PAN3: variants seen among roughly 807,000 people sequenced by gnomAD.
PAN3 encodes the protein PAN2-PAN3 deadenylation complex subunit PAN3.
In PAN3, 19 loss-of-function variants were observed where a neutral mutation model predicts 96.2. The ratio of observed to expected loss-of-function variants is 0.20; its 90% CI spans 0.14 to 0.29. PAN3 has a LOEUF of 0.29. Among genes scored for constraint, PAN3 ranks in the 10% least tolerant of loss-of-function variants. PAN3 has a pLI of 1.00. For synonymous variants in PAN3, 433 were observed against 406.6 expected (o/e 1.06, Z -0.78); for missense variants, 882 against 1,108.1 (o/e 0.80, Z 2.90).
chr13:28,292,754 T>C lies in PAN3; in HGVS notation c.*232T>C. 1 of 339,310 alleles carries C rather than the reference T, an allele frequency of 2.9e-6. No individual in the cohort carries two copies. Among genetic ancestry groups the C allele is most frequent in the Non-Finnish European group, 5.3e-6 (1 of 189,324 alleles). 21.0% of individuals were successfully genotyped at this position (339,310 alleles called of 1,614,324 possible). A position where few individuals can be genotyped will look rare whatever the true frequency, so the allele number is the denominator to read the frequency against. On this transcript the variant is annotated 3_prime_UTR_variant, in exon 19 of 19. Coordinates refer to ENST00000380958, the MANE Select transcript of PAN3 (RefSeq NM_175854.8). ...ATCTGTGAAGAATTTATTTTAGATT[T>C]AGGAGCACCATCAGGTGAATGATGT...
chr13:28,215,255 C>T (rs530011225), intron 5 of PAN3: 4 of 708,182 alleles, frequency 5.6e-6, no homozygotes, highest in Admixed American at 1.9e-5. Context: ...AGTCCTTGCA[C>T]CAGCCTCTCC....
chr13:28,228,714 A>G (rs930058145), intron 6 of PAN3, among the ~76,000 whole-genome samples: 10 of 152,132 alleles, frequency 6.6e-5, no homozygotes, highest in African/African-American at 2.2e-4. Flanking sequence ...CATCCTATTG[A>G]TGTTAATTAG....
intron 1 of PAN3, among the ~76,000 whole-genome samples, chr13:28,163,294 C>G (rs1873114952): frequency 6.6e-6 from 1 of 151,982 alleles, no homozygotes; most frequent in South Asian, 2.1e-4. Context: ...TAGTTGAAGA[C>G]AGCAATAAAA....
At chr13:28,217,395 A>G (rs957981845) in intron 5 of PAN3, among the ~76,000 whole-genome samples, 3 of 152,140 alleles carry the variant, frequency 2.0e-5, no homozygotes, top group Non-Finnish European at 2.9e-5. Context: ...CAACTTGGCC[A>G]ACATGATGAA....
chr13:28,208,490 T>C (rs1276316054), intron 5 of PAN3, among the ~76,000 whole-genome samples: 1 of 152,204 alleles, frequency 6.6e-6, no homozygotes, highest in Non-Finnish European at 1.5e-5. Context: ...AGGTTCAGTA[T>C]ACCTTATCCA....
chr13:28,191,183 T>C (rs1291332457), intron 4 of PAN3, among the ~76,000 whole-genome samples: 2 of 152,172 alleles, frequency 1.3e-5, no homozygotes, highest in African/African-American at 4.8e-5. Context: ...TAAATAAATA[T>C]TTCCCTTAAA....
intron 4 of PAN3, among the ~76,000 whole-genome samples, chr13:28,179,572 C>G (rs1875494883): frequency 6.6e-6 from 1 of 151,930 alleles, no homozygotes; most frequent in Admixed American, 6.6e-5. Context: ...AAAAATTAGT[C>G]AGGTGTGGTG....
At chr13:28,253,538 C>CG (rs1049839154) in intron 6 of PAN3, among the ~76,000 whole-genome samples, 3 of 150,440 alleles carry the variant, frequency 2.0e-5, no homozygotes, top group Admixed American at 6.6e-5. Context: ...TCCTTATTGG[C>CG]GGGGGTGGTG....
chr13:28,190,552 G>T (rs1456068608), intron 4 of PAN3, among the ~76,000 whole-genome samples: 2 of 152,110 alleles, frequency 1.3e-5, no homozygotes, highest in Non-Finnish European at 2.9e-5. Flanking sequence ...GAGCTGCTGT[G>T]CCTGGCCTCT....
At chr13:28,266,251 A>C (rs1394677225) in intron 9 of PAN3, among the ~76,000 whole-genome samples, 1 of 152,220 alleles carries the variant, frequency 6.6e-6, no homozygotes, top group East Asian at 1.9e-4. Flanking sequence ...TTCACTTAAA[A>C]TATCATGAGC....
At chr13:28,276,108 T>A (rs925252029) in intron 14 of PAN3, among the ~76,000 whole-genome samples, 4 of 152,154 alleles carry the variant, frequency 2.6e-5, no homozygotes, top group Non-Finnish European at 5.9e-5. Flanking sequence ...ATTACCATCA[T>A]TTGTGGAAGC....
chr13:28,196,642 C>T (rs1878092787), intron 4 of PAN3, among the ~76,000 whole-genome samples: 1 of 150,906 alleles, frequency 6.6e-6, no homozygotes, highest in Non-Finnish European at 1.5e-5. Flanking sequence ...TCAAGTCTAA[C>T]GTGCATAGAA....
intron 6 of PAN3, among the ~76,000 whole-genome samples, chr13:28,233,637 G>A (rs188030046): frequency 6.6e-6 from 1 of 152,250 alleles, no homozygotes; most frequent in Non-Finnish European, 1.5e-5. Context: ...GTGTAGCTGT[G>A]TGCATTTTTT....
intron 6 of PAN3, among the ~76,000 whole-genome samples, chr13:28,228,808 T>C (rs1190283559): frequency 6.6e-6 from 1 of 152,224 alleles, no homozygotes; most frequent in Non-Finnish European, 1.5e-5. Context: ...ATAGTTAATA[T>C]AGGTCATAAT....
chr13:28,139,514 T>TTGTTTGTGTGTGTG (rs375082738), intron 1 of PAN3, among the ~76,000 whole-genome samples: 2 of 93,100 alleles, frequency 2.1e-5, no homozygotes, highest in Non-Finnish European at 3.9e-5. Flanking sequence ...AGGGGTGTGT[T>TTGTTTGTGTGTGTG]TGTGTGTGTG....
intron 5 of PAN3, among the ~76,000 whole-genome samples, chr13:28,213,148 C>CA (rs1172016143): frequency 2.0e-5 from 3 of 151,798 alleles, no homozygotes; most frequent in East Asian, 3.9e-4. Context: ...ACCCAAACAC[C>CA]AAAAAAATCA....
chr13:28,153,690 C>T (rs1871702271), intron 1 of PAN3, among the ~76,000 whole-genome samples: 1 of 152,126 alleles, frequency 6.6e-6, no homozygotes, highest in Non-Finnish European at 1.5e-5. Context: ...GAAAAAGAAT[C>T]AGTAAAGATA....
intron 4 of PAN3, among the ~76,000 whole-genome samples, 194 bp from the exon 5 acceptor site, chr13:28,196,991 T>G (rs1333521796): frequency 1.3e-5 from 2 of 152,092 alleles, no homozygotes; most frequent in Non-Finnish European, 2.9e-5. Context: ...ATTAGGAGTG[T>G]GGGTTATTTT....
At chr13:28,244,868 A>G (rs865802375) in intron 6 of PAN3, among the ~76,000 whole-genome samples, 10 of 151,594 alleles carry the variant, frequency 6.6e-5, no homozygotes, top group Admixed American at 1.3e-4. Flanking sequence ...TTTATTTTTG[A>G]GATGGAGTCT....
Sources: gnomAD v4.1 joint callset for allele counts (sites outside exome capture counted in the v4.1 genomes callset) on GRCh38, gnomAD v4.1.1 for gene constraint, MANE v1.5 for transcripts, NCBI Gene and HGNC (gene_info 2026-07-23, HGNC 2026-07-21) for gene names.